ILRUN: variants seen among roughly 807,000 people sequenced by gnomAD.
ILRUN encodes the protein inflammation and lipid regulator with UBA-like and NBR1-like domains.
Under a neutral mutation model 33.8 loss-of-function variants are expected in ILRUN, and 3 were observed. The observed-to-expected ratio is 0.09, with a 90% CI of 0.04 to 0.23. ILRUN has a LOEUF of 0.23. Ranked by LOEUF, ILRUN falls within the 10% of genes least tolerant of loss-of-function variation. ILRUN has a pLI of 1.00. For missense variants in ILRUN, 210 were observed against 375.1 expected (o/e 0.56, Z 3.64); for synonymous variants, 124 against 138.9 (o/e 0.89, Z 0.75).
intron 2 of ILRUN, among the ~76,000 whole-genome samples, chr6:34,650,963 AAGAC>A (rs1220391770): frequency 6.6e-6 from 1 of 152,132 alleles, no homozygotes; most frequent in Non-Finnish European, 1.5e-5. Context: ...GAATGAGAGT[AAGAC>A]AGCCAGAGGA....
intron 4 of ILRUN, among the ~76,000 whole-genome samples, chr6:34,593,119 C>T (rs1421397962): frequency 1.3e-5 from 2 of 152,060 alleles, no homozygotes; most frequent in Non-Finnish European, 2.9e-5. Flanking sequence ...GTCGAGGCTG[C>T]AGTGAGCTAT....
intron 1 of ILRUN, among the ~76,000 whole-genome samples, chr6:34,692,422 A>G (rs1383432418): frequency 6.6e-6 from 1 of 152,226 alleles, no homozygotes; most frequent in Non-Finnish European, 1.5e-5. Context: ...CAACAGGTTA[A>G]TCATCAGAGC....
At chr6:34,659,662 C>T (rs1354350758) in intron 1 of ILRUN, among the ~76,000 whole-genome samples, 36 of 146,318 alleles carry the variant, frequency 2.5e-4, no homozygotes, top group African/African-American at 8.1e-4. Flanking sequence ...TCACTCTATC[C>T]CCAGGCTGGA....
chr6:34,664,875 C>A (rs1217478396), intron 1 of ILRUN, among the ~76,000 whole-genome samples: 1 of 152,158 alleles, frequency 6.6e-6, no homozygotes, highest in East Asian at 1.9e-4. Context: ...AAGTTTGTTA[C>A]CAAACAGGGA....
chr6:34,637,149 T>C (rs1348813326), intron 3 of ILRUN, among the ~76,000 whole-genome samples: 1 of 152,220 alleles, frequency 6.6e-6, no homozygotes, highest in Non-Finnish European at 1.5e-5. Context: ...CAGTAAGTTC[T>C]ATTTGCAAAT....
chr6:34,604,339 G>C (rs1761579693), intron 4 of ILRUN, among the ~76,000 whole-genome samples: 1 of 152,142 alleles, frequency 6.6e-6, no homozygotes. Context: ...CCATCACAGA[G>C]GTGGTTAAAA....
At chr6:34,620,138 T>C (rs1420368426) in intron 3 of ILRUN, among the ~76,000 whole-genome samples, 2 of 152,090 alleles carry the variant, frequency 1.3e-5, no homozygotes, top group Admixed American at 1.3e-4. Context: ...AGGATGGGAC[T>C]AGCTGAAGGG....
In ILRUN at chr6:34,682,882, T is replaced by A. The variant is rs571209460; in HGVS notation, c.158+13564A>T. ...CCTCCCTCAAACCTTGTTATGACAT[T>A]GGCACATTATTTCTCTGATGTGAAA... On this transcript the variant is annotated intron_variant, in intron 1 of 4. Transcript: ENST00000374023. 8.6e-5 allele frequency among the ~76,000 whole-genome samples: 13 copies of A among 151,962 alleles called. No individual in the cohort carries two copies. The East Asian group carries it at 2.5e-3, about 29-fold the overall frequency.
At chr6:34,616,815 T>C in intron 3 of ILRUN, 1 of 698,230 alleles carries the variant, frequency 1.4e-6, no homozygotes, top group Non-Finnish European at 2.6e-6. Flanking sequence ...ATCAATGGTG[T>C]GAACCCAAAG....
rs199906223 is a variant in ILRUN at position 34,666,547 on chromosome 6, A to C, written c.159-11768T>G. Among the ~76,000 whole-genome samples, 7 of 152,304 alleles carry C rather than the reference A, an allele frequency of 4.6e-5. No individual in the cohort carries two copies. In the East Asian group the frequency reaches 1.3e-3, roughly 29 times the overall value. On this transcript the variant is annotated intron_variant, in intron 1 of 4. Coordinates refer to ENST00000374023, the MANE Select transcript of ILRUN (RefSeq NM_024294.4). ...TTGCACTCCTCCAGCCTGGGCAACA[A>C]GAGCGAAACTCCATCTCAAAAAAAA...
intron 1 of ILRUN, among the ~76,000 whole-genome samples, chr6:34,691,007 C>T (rs1201823030): frequency 2.0e-5 from 3 of 152,180 alleles, no homozygotes; most frequent in African/African-American, 4.8e-5. Context: ...GCCTCAGCCT[C>T]CCCAGTAGCT....
rs549619304 is a variant in ILRUN, at chr6:34,682,031, T to C, written c.158+14415A>G. 1.3e-4 allele frequency among the ~76,000 whole-genome samples: 19 copies of C among 145,218 alleles called. 2 individuals carry two copies. In the East Asian group the frequency reaches 3.6e-3, roughly 27 times the overall value. ...CACACCCCACTAATTCTTATATTTT[T>C]ATTTTTTTACTTTTTTTTTTTTTTC... On this transcript the variant is annotated intron_variant, in intron 1 of 4. Transcript: ENST00000374023.
intron 4 of ILRUN, among the ~76,000 whole-genome samples, chr6:34,600,675 T>C (rs1415559020): frequency 6.6e-6 from 1 of 152,226 alleles, no homozygotes; most frequent in Non-Finnish European, 1.5e-5. Context: ...TGAAGGTTTC[T>C]AGGTAATCTT....
At chr6:34,609,213 G>A (rs1028801777) in intron 3 of ILRUN, among the ~76,000 whole-genome samples, 7 of 152,182 alleles carry the variant, frequency 4.6e-5, no homozygotes, top group Non-Finnish European at 7.4e-5. Flanking sequence ...GCCTGGCTGG[G>A]CACGGTGGCT....
At chr6:34,694,647 C>T (rs1179045184) in intron 1 of ILRUN, among the ~76,000 whole-genome samples, 1 of 152,128 alleles carries the variant, frequency 6.6e-6, no homozygotes, top group East Asian at 1.9e-4. Flanking sequence ...AAGACTATCT[C>T]CTGCATCCAG....
intron 4 of ILRUN, among the ~76,000 whole-genome samples, chr6:34,593,117 T>A (rs1761329073): frequency 6.6e-6 from 1 of 152,084 alleles, no homozygotes; most frequent in African/African-American, 2.4e-5. Flanking sequence ...AGGTCGAGGC[T>A]GCAGTGAGCT....
intron 3 of ILRUN, among the ~76,000 whole-genome samples, chr6:34,644,537 A>G (rs937685513): frequency 6.6e-6 from 1 of 152,228 alleles, no homozygotes; most frequent in Non-Finnish European, 1.5e-5. Context: ...GGGGATTCTT[A>G]GCAGACACTG....
chr6:34,643,171 C>A (rs955871512), intron 3 of ILRUN, among the ~76,000 whole-genome samples: 2 of 148,636 alleles, frequency 1.3e-5, no homozygotes, highest in African/African-American at 2.5e-5. Context: ...TGGTGGTGAG[C>A]GCCTGTAATC....
At chr6:34,616,110 T>A (rs1761887142) in intron 3 of ILRUN, among the ~76,000 whole-genome samples, 1 of 152,214 alleles carries the variant, frequency 6.6e-6, no homozygotes, top group African/African-American at 2.4e-5. Flanking sequence ...TCCCAGTGGT[T>A]AAAGGTATAG....
Sources: allele counts gnomAD v4.1 joint callset (sites outside exome capture counted in the v4.1 genomes callset), GRCh38; gene constraint gnomAD v4.1.1; transcripts MANE v1.5; gene names NCBI Gene and HGNC (gene_info 2026-07-23, HGNC 2026-07-21).